Variants in ENKUR observed in about 807,000 individuals in gnomAD.
The protein encoded by ENKUR is enkurin.
In ENKUR, 19 loss-of-function variants were observed where a neutral mutation model predicts 27.6. The observed-to-expected ratio is 0.69, with a 90% confidence interval of 0.48 to 1.01. ENKUR has a LOEUF of 1.01. Among genes scored for constraint, ENKUR ranks in the 50% least tolerant of loss-of-function variants. The probability of loss-of-function intolerance (pLI) is 0.00; values close to 1 mark genes in which losing one functional copy is unlikely to be tolerated. For synonymous variants in ENKUR, 117 were observed against 96.9 expected (o/e 1.21, Z -1.22); for missense variants, 312 against 310.5 (o/e 1.00, Z -0.04).
In ENKUR at chr10:25,027,381, A is replaced by AG. The variant is rs1251163355; in HGVS notation, c.38-31513_38-31512insC. 2.1e-5 allele frequency among the ~76,000 whole-genome samples: 3 copies of AG among 140,620 alleles called. No homozygotes were observed. The East Asian group carries it at 6.2e-4, about 29-fold the overall frequency. The allele number at this position is 140,620 out of a possible 152,430, so 92.3% of individuals were successfully genotyped here. A position where few individuals can be genotyped will look rare whatever the true frequency, so the allele number is the denominator to read the frequency against. On this transcript the variant is annotated intron_variant, in intron 2 of 5. Coordinates refer to the ENKUR transcript ENST00000615958. Reference sequence around the variant, plus strand: ...TCAAAAAAAAAAAAAAAAAAAAAAAAAAAAAACTAGCCAGGCATGGTGGCG... The same window carrying AG: ...TCAAAAAAAAAAAAAAAAAAAAAAAAGAAAAAACTAGCCAGGCATGGTGGCG...
intron 5 of ENKUR, 44 bp downstream of exon 5, chr10:24,984,692 T>A: frequency 6.6e-7 from 1 of 1,520,966 alleles, no homozygotes. Context: ...CCATGTTTTT[T>A]TCCCCTACAT....
At position 24,995,849 on chromosome 10, in the gene ENKUR, C is replaced by T. The variant is rs191676786; in HGVS notation, c.244G>A (p.Val82Met). The T allele has an allele frequency of 4.4e-5, 70 of 1,603,978 alleles. 1 individual carries two copies. The highest frequency in any genetic ancestry group is 1.7e-4 in the Middle Eastern group (1 of 6,038). Residue 82 changes from valine (V) to methionine (M), a missense_variant, in exon 3 of 6, where the codon GTG becomes ATG. Transcript: ENST00000331161. ...AATGGCACAGCAGGCTTTTTGGGCA[C>T]GTTCCGATCAAAGTTTTTTTCTGTT... ...LPPKKNFDRNVPKKPAVPLKT... is the reference protein window; with the variant it reads ...LPPKKNFDRNMPKKPAVPLKT...
chr10:25,006,991 A>T (rs1427732044), intron 1 of ENKUR, among the ~76,000 whole-genome samples: 2 of 152,220 alleles, frequency 1.3e-5, no homozygotes, highest in Non-Finnish European at 2.9e-5. Flanking sequence ...TATTGCTATT[A>T]ATAGTATTCT....
At chr10:25,051,098 C>G (rs758428582) in intron 2 of ENKUR, among the ~76,000 whole-genome samples, 5 of 152,110 alleles carry the variant, frequency 3.3e-5, no homozygotes, top group Non-Finnish European at 7.4e-5. Context: ...GCACTTAAAA[C>G]AGTACACAAA....
At chr10:25,010,032 G>T (rs548676005) in intron 1 of ENKUR, among the ~76,000 whole-genome samples, 1 of 152,154 alleles carries the variant, frequency 6.6e-6, no homozygotes, top group South Asian at 2.1e-4. Flanking sequence ...ATGTGAAAGC[G>T]ACTTTGGAAC....
At chr10:25,010,846 G>T (rs1850426668) in intron 1 of ENKUR, among the ~76,000 whole-genome samples, 3 of 151,278 alleles carry the variant, frequency 2.0e-5, no homozygotes, top group Admixed American at 6.6e-5. Flanking sequence ...GTCTATCATT[G>T]TTGGACATTT....
chr10:25,027,717 A>C (rs1230108894), intron 2 of ENKUR, among the ~76,000 whole-genome samples: 1 of 151,796 alleles, frequency 6.6e-6, no homozygotes, highest in Non-Finnish European at 1.5e-5. Context: ...CCATCTCTAC[A>C]AAAAATACAA....
rs1849728669 is a variant in ENKUR, at chr10:24,984,227, G to A, written c.*143C>T. On this transcript the variant is annotated 3_prime_UTR_variant, in exon 6 of 6. Coordinates refer to ENST00000331161, the MANE Select transcript of ENKUR (RefSeq NM_145010.4). ...TTTCTCACTGGGAATAACTGCAAAT[G>A]TCATGGGCCACAGGAAAATACATCT... 2 of 894,888 alleles carry A rather than the reference G, an allele frequency of 2.2e-6. No individual in the cohort carries two copies. Among genetic ancestry groups the A allele is most frequent in the Admixed American group, 2.6e-5 (1 of 38,042 alleles). The allele number at this position is 894,888 out of a possible 1,614,324, so 55.4% of individuals were successfully genotyped here. A position where few individuals can be genotyped will look rare whatever the true frequency, so the allele number is the denominator to read the frequency against.
intron 2 of ENKUR, among the ~76,000 whole-genome samples, chr10:25,027,369 A>T: frequency 7.0e-6 from 1 of 141,942 alleles, no homozygotes; most frequent in African/African-American, 2.5e-5. Flanking sequence ...AAAAAAAAAA[A>T]AAAAAAAAAA....
At chr10:25,017,857 ACCT>A (rs1010808691), upstream of ENKUR, among the ~76,000 whole-genome samples, 14 of 151,746 alleles carry the variant, frequency 9.2e-5, no homozygotes, top group African/African-American at 2.9e-4. Flanking sequence ...TTGGCGGGAA[ACCT>A]CCTGTATGTA....
chr10:24,995,507 A>G, intron 3 of ENKUR, 139 bp downstream of exon 3: 1 of 739,894 alleles, frequency 1.4e-6, no homozygotes, highest in Admixed American at 3.1e-5. Context: ...CCAAACACAG[A>G]TTGCAGAAGA....
chr10:24,984,861 G>A lies in ENKUR; in HGVS notation c.639C>T (p.Ser213=), dbSNP rs765093450. ...GTATAGAATCTATAAAGACCGAGAGGGACTGGAATTCTTTATGCACCTCTT... is the reference window on the plus strand; with the variant it reads ...GTATAGAATCTATAAAGACCGAGAGAGACTGGAATTCTTTATGCACCTCTT... ...NWEEVHKEFQ[S]LSVFIDSIPK... Residue 213 remains serine (S), a synonymous_variant, in exon 5 of 6, where the codon TCC becomes TCT. Transcript: ENST00000331161. The A allele has an allele frequency of 6.2e-6, 10 of 1,613,190 alleles. No individual in the cohort carries two copies. Among genetic ancestry groups the A allele is most frequent in the Non-Finnish European group, 8.5e-6 (10 of 1,179,722 alleles).
At chr10:25,048,169 A>C (rs1851141491) in intron 2 of ENKUR, among the ~76,000 whole-genome samples, 2 of 152,150 alleles carry the variant, frequency 1.3e-5, no homozygotes, top group African/African-American at 4.8e-5. Context: ...ACAAAACCGC[A>C]GGTCATGGGG....
intron 1 of ENKUR, among the ~76,000 whole-genome samples, chr10:25,006,957 T>A (rs1359276097): frequency 6.6e-6 from 1 of 152,208 alleles, no homozygotes; most frequent in Non-Finnish European, 1.5e-5. Context: ...AACTGGCACG[T>A]TTTAAATTCT....
intron 2 of ENKUR, among the ~76,000 whole-genome samples, chr10:25,038,855 G>C (rs1445734808): frequency 6.6e-6 from 1 of 152,178 alleles, no homozygotes; most frequent in Admixed American, 6.5e-5. Context: ...TATGTGAAAT[G>C]ACCTGAAGTT....
At chr10:25,061,076 A>G (rs763148746) in intron 2 of ENKUR, 1 of 1,534,596 alleles carries the variant, frequency 6.5e-7, no homozygotes, top group South Asian at 1.2e-5. Context: ...GGCTGCCCAG[A>G]TGCAAAACCT....
chr10:24,990,734 A>G, intron 3 of ENKUR, 125 bp from the exon 4 acceptor site: 1 of 930,848 alleles, frequency 1.1e-6, no homozygotes, highest in Non-Finnish European at 1.5e-6. Context: ...AAAACCCTGT[A>G]AATTGACAAA....
intron 1 of ENKUR, chr10:25,061,387 A>G (rs1851326043): frequency 4.1e-6 from 2 of 483,510 alleles, no homozygotes; most frequent in Admixed American, 7.3e-5. Context: ...GAGGAGTAAC[A>G]GTGCACAGAT....
chr10:25,049,306 G>C (rs917387767), intron 2 of ENKUR, among the ~76,000 whole-genome samples: 19 of 152,022 alleles, frequency 1.2e-4, no homozygotes, highest in Non-Finnish European at 2.9e-5. Flanking sequence ...CTAGGTACTG[G>C]GGAAACTGTG....
Sources: gnomAD v4.1 joint callset for allele counts (sites outside exome capture counted in the v4.1 genomes callset) on GRCh38, gnomAD v4.1.1 for gene constraint, MANE v1.5 for transcripts, NCBI Gene and HGNC (gene_info 2026-07-23, HGNC 2026-07-21) for gene names.